Variants in ACOX1 observed in about 807,000 individuals in gnomAD.
ACOX1 encodes the protein acyl-CoA oxidase 1.
A neutral mutation model predicts 75.5 loss-of-function variants in ACOX1; 41 were observed. The observed-to-expected ratio is 0.54, with a 90% CI of 0.42 to 0.70. ACOX1 has a LOEUF of 0.70. ACOX1 is among the 30% of genes least tolerant of loss of function. ACOX1 has a pLI of 0.00. For synonymous variants in ACOX1, 303 were observed against 298.8 expected, an observed-to-expected ratio of 1.01 and a Z score of -0.15; for missense variants, 630 against 837.5, an observed-to-expected ratio of 0.75 and a Z score of 3.06.
At chr17:75,948,862 CTTTTTTTT>C (rs34512190) in intron 12 of ACOX1, among the ~76,000 whole-genome samples, 8 of 125,254 alleles carry the variant, frequency 6.4e-5, no homozygotes, top group Admixed American at 2.4e-4. Flanking sequence ...TTTTCTTTTT[CTTTTTTTT>C]TTTTTTTGAG....
At chr17:75,955,360 C>T (rs2065814347) in intron 6 of ACOX1, among the ~76,000 whole-genome samples, 1 of 151,894 alleles carries the variant, frequency 6.6e-6, no homozygotes, top group Non-Finnish European at 1.5e-5. Context: ...GATGGGTTCT[C>T]ACTATGTTGC....
chr17:75,957,150 A>G (rs1392536143), intron 4 of ACOX1, among the ~76,000 whole-genome samples: 1 of 151,526 alleles, frequency 6.6e-6, no homozygotes, highest in African/African-American at 2.4e-5. Flanking sequence ...CAATGGTGCA[A>G]TCTTGGCTCA....
At chr17:75,953,334 C>T in intron 7 of ACOX1, 117 bp downstream of exon 7, 1 of 1,197,254 alleles carries the variant, frequency 8.4e-7, no homozygotes, top group Non-Finnish European at 1.2e-6. Context: ...CAGTTATCAC[C>T]CTAGCCAATT....
In ACOX1 at chr17:75,978,983, G is replaced by A. The variant is rs549222813; in HGVS notation, c.91C>T (p.Arg31Trp). The A allele has an allele frequency of 6.8e-6, 11 of 1,610,716 alleles. No individual in the cohort carries two copies. The highest frequency in any genetic ancestry group is 3.3e-5 in the Admixed American group (2 of 60,028). The change falls in exon 1 of 14, where the codon CGG (arginine) becomes TGG (tryptophan). Residue 31 changes from arginine (R) to tryptophan (W), a missense_variant. Around this residue, in one of 2 missense-constraint regions of ACOX1, gnomAD observed 390 missense variants for 574.9 expected, o/e 0.68. Coordinates refer to ENST00000293217, the MANE Select transcript of ACOX1 (RefSeq NM_004035.7). This position sits in a 1 kb window ranked among gnomAD's most constrained non-coding sequence, Gnocchi z 4.2. The part of the protein sequence containing the change: ...HILDGSPEKT[R>W]RRREIENMIL... The stretch of plus-strand genomic sequence containing the variant: ...CCCTCACCGATCTCTCGGCGGCGCC[G>A]GGTTTTCTCGGGGCTGCCGTCCAGG...
chr17:75,967,628 A>ACG (rs2065944833), intron 2 of ACOX1, among the ~76,000 whole-genome samples: 1 of 87,226 alleles, frequency 1.1e-5, no homozygotes, highest in Non-Finnish European at 2.0e-5. Context: ...ACATATATAT[A>ACG]TACATACATA....
intron 2 of ACOX1, among the ~76,000 whole-genome samples, chr17:75,972,048 A>C (rs1264581766): frequency 2.6e-5 from 4 of 152,122 alleles, no homozygotes; most frequent in Non-Finnish European, 5.9e-5. Context: ...AAAGAATCTT[A>C]TCTCTCAGGC....
In ACOX1 at chr17:75,979,064, C is replaced by T. The variant is rs1277336037; in HGVS notation, c.10G>A (p.Asp4Asn). The change falls in exon 1 of 14, where the codon GAC becomes AAC. Residue 4 changes from aspartate to asparagine, a missense_variant. Coordinates refer to ENST00000293217, the MANE Select transcript of ACOX1 (RefSeq NM_004035.7). Reference sequence around the variant, plus strand: ...GCGGAATCCCGCTCCCTGCGCAGGTCCGGGTTCATGGCGACGACCAGCTGG... The same window carrying T: ...GCGGAATCCCGCTCCCTGCGCAGGTTCGGGTTCATGGCGACGACCAGCTGG... MNPDLRRERDSASF... is the reference protein window; with the variant it reads MNPNLRRERDSASF... 13 of 1,611,856 alleles carry T rather than the reference C, an allele frequency of 8.1e-6. No homozygotes were observed. In the South Asian group the frequency reaches 1.3e-4, roughly 16 times the overall value.
chr17:75,967,013 C>T (rs778741003), intron 2 of ACOX1, among the ~76,000 whole-genome samples: 2 of 150,982 alleles, frequency 1.3e-5, no homozygotes, highest in Admixed American at 6.6e-5. Context: ...TCGGAAGCTG[C>T]GCCACTGCAC....
At chr17:75,975,853 CAGAG>C (rs35921553) in intron 2 of ACOX1, among the ~76,000 whole-genome samples, 126 of 127,136 alleles carry the variant, frequency 9.9e-4, no homozygotes, top group Middle Eastern at 4.2e-3. Flanking sequence ...AATGGAAATG[CAGAG>C]AGAGAGAGAG....
chr17:75,958,068 T>G (rs2065849284), intron 3 of ACOX1, among the ~76,000 whole-genome samples: 1 of 152,132 alleles, frequency 6.6e-6, no homozygotes, highest in South Asian at 2.1e-4. Context: ...AAATTAAAAA[T>G]GTATGGCTGT....
rs8065681 is a variant in ACOX1, at chr17:75,958,546, C to G, written c.431-980G>C. On this transcript the variant is annotated intron_variant, in intron 3 of 13. Coordinates refer to ENST00000293217, the MANE Select transcript of ACOX1 (RefSeq NM_004035.7). ...AATTAAAGCTGGGCACGGTGGCTCA[C>G]GCCTGTAATCCCAGCACTTTGGGGG... Among the ~76,000 whole-genome samples the G allele has an allele frequency of 2.2e-3, 304 of 139,478 alleles. 2 individuals are homozygous for G. The highest frequency in any genetic ancestry group is 0.015 in the South Asian group (66 of 4,514). The allele number at this position is 139,478 out of a possible 152,430, so 91.5% of individuals were successfully genotyped here. A position where few individuals can be genotyped will look rare whatever the true frequency, so the allele number is the denominator to read the frequency against.
chr17:75,951,396 A>C lies in ACOX1; in HGVS notation c.1107+19T>G, dbSNP rs764467210. The C allele has an allele frequency of 6.2e-7, 1 of 1,613,796 alleles. No individual in the cohort carries two copies. The highest frequency in any genetic ancestry group is 1.3e-5 in the African/African-American group (1 of 74,932). The stretch of plus-strand genomic sequence containing the variant: ...CGAAACAGAAGGGTGCCCATGAGTG[A>C]ATGAGACCAAACTCATACCTCAGGC... On this transcript the variant is annotated intron_variant, in intron 8 of 13. Transcript: ENST00000293217.
In ACOX1 at chr17:75,941,820, T is replaced by G. The variant is rs1007774790; in HGVS notation, c.*4928A>C. On this transcript the variant is annotated 3_prime_UTR_variant, in exon 14 of 14. Coordinates refer to ENST00000293217, the MANE Select transcript of ACOX1 (RefSeq NM_004035.7). ...CTCCCAAGGCAGTCATTTAGTTGAA[T>G]CCATAACTGGAAATAAAAAGGCATT... The G allele has an allele frequency of 6.6e-6, 1 of 152,174 alleles. No homozygotes were observed. The highest frequency in any genetic ancestry group is 2.4e-5 in the African/African-American group (1 of 41,444). 9.4% of individuals were successfully genotyped at this position (152,174 alleles called of 1,614,324 possible).
rs2065704850 is a variant in ACOX1 at position 75,944,777 on chromosome 17, C to A, written c.*1971G>T. The A allele has an allele frequency of 6.6e-6, 1 of 151,930 alleles. No homozygotes were observed. 9.4% of individuals were successfully genotyped at this position (151,930 alleles called of 1,614,324 possible). A position where few individuals can be genotyped will look rare whatever the true frequency, so the allele number is the denominator to read the frequency against. On this transcript the variant is annotated 3_prime_UTR_variant, in exon 14 of 14. Transcript: ENST00000293217. Reference sequence around the variant, plus strand: ...TTTTTTGAGACGGAGTCTCGCTCAGCCACCCAGGCTGCAGTGTAGTGGCAC... The same window carrying A: ...TTTTTTGAGACGGAGTCTCGCTCAGACACCCAGGCTGCAGTGTAGTGGCAC...
At position 75,950,875 on chromosome 17, in the gene ACOX1, A is replaced by G; in HGVS notation, c.1197T>C (p.His399=). The stretch of plus-strand genomic sequence containing the variant: ...GAAGACCACTGCAATGAGAATAGCC[A>G]TGCCCACCACAAGCCATCCGACATG... ...IEACRMACGG[H]GYSHCSGLPN... Residue 399 remains histidine (H), a synonymous_variant, in exon 9 of 14, where the codon CAT becomes CAC. Transcript: ENST00000293217. The surrounding 1 kb of genome is among the most constrained non-coding windows in gnomAD (Gnocchi z 4.3). 1.2e-6 allele frequency: 2 copies of G among 1,614,212 alleles called. No individual in the cohort carries two copies. The highest frequency in any genetic ancestry group is 1.7e-6 in the Non-Finnish European group (2 of 1,180,040).
chr17:75,960,794 A>G lies in ACOX1; in HGVS notation c.270-419T>C, dbSNP rs1351147352. On this transcript the variant is annotated intron_variant, in intron 2 of 13. Coordinates refer to ENST00000293217, the MANE Select transcript of ACOX1 (RefSeq NM_004035.7). This position sits in a 1 kb window ranked among gnomAD's most constrained non-coding sequence, Gnocchi z 4.4. ...GGAGTTCGAGACCAGCCTGGCCAAC[A>G]TGGCAAAGCCCTGACTCTACTAAAA... Among the ~76,000 whole-genome samples, 1 of 152,192 alleles carries G rather than the reference A, an allele frequency of 6.6e-6. No homozygotes were observed. The highest frequency in any genetic ancestry group is 1.5e-5 in the Non-Finnish European group (1 of 68,032).
chr17:75,961,641 T>C (rs1256112261), intron 2 of ACOX1, among the ~76,000 whole-genome samples: 2 of 151,120 alleles, frequency 1.3e-5, no homozygotes, highest in Non-Finnish European at 2.9e-5. Context: ...TGGTGGCACA[T>C]GCCTGTAATC....
chr17:75,951,145 A>G (rs753073135), intron 8 of ACOX1, among the ~76,000 whole-genome samples, 181 bp from the exon 9 acceptor site: 1 of 152,322 alleles, frequency 6.6e-6, no homozygotes, highest in South Asian at 2.1e-4. Context: ...ACCCATGCCC[A>G]TCTAAGCTGT....
At chr17:75,971,265 T>C (rs1338668008) in intron 2 of ACOX1, among the ~76,000 whole-genome samples, 1 of 145,512 alleles carries the variant, frequency 6.9e-6, no homozygotes, top group Non-Finnish European at 1.5e-5. Flanking sequence ...CACTCCAGCC[T>C]GGGCAACAAG....
Sources: gnomAD v4.1 joint callset for allele counts (sites outside exome capture counted in the v4.1 genomes callset) on GRCh38, gnomAD v4.1.1 for gene constraint, gnomAD v4.1.1 regional missense constraint, Gnocchi (gnomAD v3.1) non-coding constraint, MANE v1.5 for transcripts, NCBI Gene and HGNC (gene_info 2026-07-23, HGNC 2026-07-21) for gene names.